Variants in ROBO2 observed in about 807,000 individuals in gnomAD.
The protein encoded by ROBO2 is roundabout homolog 2.
In ROBO2, 53 loss-of-function variants were observed where a neutral mutation model predicts 160.8. That is an observed-to-expected ratio of 0.33 (90% CI 0.26 to 0.41). The LOEUF is 0.41. ROBO2 is among the 10% of genes least tolerant of loss of function. The pLI, the probability that ROBO2 is intolerant of heterozygous loss-of-function variation, is 1.00. For missense variants in ROBO2, 1,577 were observed against 1,722.4 expected, an observed-to-expected ratio of 0.92 and a Z score of 1.49; for synonymous variants, 664 against 611.7, an observed-to-expected ratio of 1.09 and a Z score of -1.26.
chr3:76,871,346 A>G (rs1349396580), intron 2 of ROBO2, among the ~76,000 whole-genome samples: 1 of 151,754 alleles, frequency 6.6e-6, no homozygotes, highest in East Asian at 1.9e-4. Context: ...CGAGGTCAGG[A>G]GATCGAGACC....
intron 6 of ROBO2, among the ~76,000 whole-genome samples, chr3:77,539,456 A>C (rs540395325): frequency 6.6e-6 from 1 of 152,182 alleles, no homozygotes; most frequent in East Asian, 1.9e-4. Context: ...TCACATATAT[A>C]TTGTTTTCAA....
chr3:77,271,409 T>C (rs1167022852), intron 2 of ROBO2, among the ~76,000 whole-genome samples: 1 of 152,224 alleles, frequency 6.6e-6, no homozygotes, highest in Non-Finnish European at 1.5e-5. Context: ...GTATTTGTTT[T>C]CTATGATATT....
At chr3:77,560,145 T>C (rs2093273851) in intron 9 of ROBO2, among the ~76,000 whole-genome samples, 1 of 152,072 alleles carries the variant, frequency 6.6e-6, no homozygotes, top group Non-Finnish European at 1.5e-5. Flanking sequence ...AGGTGGGTGC[T>C]TGATGATGTC....
At chr3:76,118,189 A>C (rs2108272897) in intron 2 of ROBO2, among the ~76,000 whole-genome samples, 1 of 152,318 alleles carries the variant, frequency 6.6e-6, no homozygotes, top group South Asian at 2.1e-4. Context: ...TAGATGAGTA[A>C]GAAAACTGAC....
At chr3:76,996,860 A>T (rs1344149692) in intron 2 of ROBO2, among the ~76,000 whole-genome samples, 1 of 152,166 alleles carries the variant, frequency 6.6e-6, no homozygotes, top group African/African-American at 2.4e-5. Context: ...TGCATGATTA[A>T]GTAAAGCATT....
intron 2 of ROBO2, among the ~76,000 whole-genome samples, chr3:77,211,059 G>A (rs1367995228): frequency 6.6e-6 from 1 of 152,266 alleles, no homozygotes; most frequent in African/African-American, 2.4e-5. Flanking sequence ...ATGTGTGTGT[G>A]TGTCTTTATA....
intron 2 of ROBO2, among the ~76,000 whole-genome samples, chr3:77,443,663 T>C (rs1431648172): frequency 6.6e-6 from 1 of 152,172 alleles, no homozygotes; most frequent in Non-Finnish European, 1.5e-5. Flanking sequence ...TTTTTACCTA[T>C]ATATTAACAT....
At chr3:76,211,930 A>G (rs758730739) in intron 2 of ROBO2, among the ~76,000 whole-genome samples, 16 of 152,062 alleles carry the variant, frequency 1.1e-4, no homozygotes, top group Admixed American at 3.9e-4. Flanking sequence ...GTTTCTTTTA[A>G]TATGAAACAA....
At chr3:77,503,586 G>A (rs1342161265) in intron 5 of ROBO2, among the ~76,000 whole-genome samples, 1 of 151,050 alleles carries the variant, frequency 6.6e-6, no homozygotes, top group Non-Finnish European at 1.5e-5. Flanking sequence ...CTATTTGGAG[G>A]AAAAAAGTTT....
chr3:76,437,650 A>G (rs901032968), intron 2 of ROBO2, among the ~76,000 whole-genome samples: 14 of 152,212 alleles, frequency 9.2e-5, no homozygotes, highest in African/African-American at 3.1e-4. Context: ...TTAAAAATTC[A>G]GAAATTCCCC....
chr3:77,119,654 A>G (rs537093255), intron 2 of ROBO2, among the ~76,000 whole-genome samples: 1 of 152,344 alleles, frequency 6.6e-6, no homozygotes, highest in African/African-American at 2.4e-5. Context: ...TGAGAAATTA[A>G]GCAAAGTAAT....
Position 76,384,114 on chromosome 3 carries a change from C to T in ROBO2, c.109+446512C>T, listed in dbSNP as rs149190250. ...GCCATGTTAATCAAGGGCATATCAA[C>T]GCTTTCTTTGCCAACCGCACAGTCA... On this transcript the variant is annotated intron_variant, in intron 2 of 26. Coordinates refer to the ROBO2 transcript ENST00000487694. 5.7e-3 allele frequency among the ~76,000 whole-genome samples: 864 copies of T among 152,318 alleles called. 6 individuals carry two copies. The highest frequency in any genetic ancestry group is 0.019 in the African/African-American group (804 of 41,566).
chr3:76,311,596 A>G (rs1028845831), intron 2 of ROBO2, among the ~76,000 whole-genome samples: 1 of 152,234 alleles, frequency 6.6e-6, no homozygotes, highest in African/African-American at 2.4e-5. Context: ...ATTGATATCA[A>G]TATATTTTTG....
At position 76,489,555 on chromosome 3, in the gene ROBO2, T is replaced by C. The variant is rs115590396; in HGVS notation, c.109+551953T>C. Among the ~76,000 whole-genome samples the C allele has an allele frequency of 9.4e-3, 1,427 of 152,248 alleles. 22 individuals are homozygous for C. Among genetic ancestry groups the C allele is most frequent in the African/African-American group, 0.032 (1,327 of 41,560 alleles). ...AGTGAAGTAAGTAAGTAGTAAGAAG[T>C]TTTCACCAAACATCATCAGCAAATG... On this transcript the variant is annotated intron_variant, in intron 2 of 26. Transcript: ENST00000487694.
At chr3:76,609,317 A>T (rs1250159721) in intron 2 of ROBO2, among the ~76,000 whole-genome samples, 2 of 151,878 alleles carry the variant, frequency 1.3e-5, no homozygotes, top group East Asian at 3.9e-4. Flanking sequence ...TTGTTTTTTT[A>T]CTTAGGACAG....
rs377267750 is a variant in ROBO2 at position 77,272,364 on chromosome 3, T to G, written c.388+174024T>G. ...GGAAACTTACAGTCGTGGCAGAAGG[T>G]GAAGGGGAAGCAGACATGTCTTACA... On this transcript the variant is annotated intron_variant, in intron 2 of 25. Transcript: ENST00000461745. Among the ~76,000 whole-genome samples the G allele has an allele frequency of 2.4e-3, 359 of 150,492 alleles. 1 individual carries two copies. The highest frequency in any genetic ancestry group is 8.3e-3 in the African/African-American group (340 of 40,892).
At chr3:76,070,636 G>A (rs892043283) in intron 2 of ROBO2, among the ~76,000 whole-genome samples, 10 of 151,856 alleles carry the variant, frequency 6.6e-5, no homozygotes, top group East Asian at 1.9e-4. Context: ...ACACCTATTC[G>A]CACACTCCCT....
Position 77,558,080 on chromosome 3 carries a change from T to C in ROBO2, c.1368T>C (p.Phe456=), listed in dbSNP as rs373916600. 209 of 1,613,154 alleles carry C rather than the reference T, an allele frequency of 1.3e-4. 1 individual carries two copies. Among genetic ancestry groups the C allele is most frequent in the Non-Finnish European group, 1.6e-4 (188 of 1,179,448 alleles). ...TAATTAGCTGGTTAAAGGAGGGATT[T>C]ACTTTTCCGGGTAGAGATCCAAGAG... Residue 456 remains phenylalanine (F), a synonymous_variant, in exon 9 of 26, where the codon TTT becomes TTC. Coordinates refer to ENST00000461745, the Ensembl canonical transcript of ROBO2.
intron 2 of ROBO2, among the ~76,000 whole-genome samples, chr3:76,733,328 C>A (rs970746035): frequency 6.6e-6 from 1 of 152,192 alleles, no homozygotes; most frequent in Admixed American, 6.5e-5. Context: ...TTCCCTATGA[C>A]TCTCAGGGAT....
Sources: gnomAD v4.1 joint callset for allele counts (sites outside exome capture counted in the v4.1 genomes callset) on GRCh38, gnomAD v4.1.1 for gene constraint, MANE v1.5 for transcripts, NCBI Gene and HGNC (gene_info 2026-07-23, HGNC 2026-07-21) for gene names.